Variants in BBS9 observed in about 807,000 individuals in gnomAD.
BBS9 encodes Bardet-Biedl syndrome 9, also known as protein PTHB1.
Under a neutral mutation model 117.7 loss-of-function variants are expected in BBS9, and 89 were observed. The ratio of observed to expected loss-of-function variants is 0.76; its 90% CI spans 0.64 to 0.90. The LOEUF is 0.90. Among genes scored for constraint, BBS9 ranks in the 40% least tolerant of loss-of-function variants. BBS9 has a pLI of 0.00. For missense variants in BBS9, 982 were observed against 1,042.2 expected (o/e 0.94, Z 0.80); for synonymous variants, 379 against 370.9 (o/e 1.02, Z -0.25).
At chr7:33,611,748 T>TTTATATAATA (rs989479661) in intron 21 of BBS9, among the ~76,000 whole-genome samples, 1 of 139,228 alleles carries the variant, frequency 7.2e-6, no homozygotes, top group Non-Finnish European at 1.5e-5. Context: ...TATTTATTCC[T>TTTATATAATA]TTATATAATA....
intron 21 of BBS9, among the ~76,000 whole-genome samples, chr7:33,572,233 G>A (rs1361473095): frequency 6.6e-6 from 1 of 151,948 alleles, no homozygotes; most frequent in African/African-American, 2.4e-5. Context: ...TTCACTTAAC[G>A]TAATGTCCTG....
At chr7:33,143,094 C>T (rs1343787099) in intron 1 of BBS9, among the ~76,000 whole-genome samples, 8 of 152,082 alleles carry the variant, frequency 5.3e-5, no homozygotes, top group African/African-American at 9.6e-5. Context: ...CTTAGCCTCC[C>T]GAGTAGCTGG....
intron 5 of BBS9, among the ~76,000 whole-genome samples, chr7:33,187,354 G>C (rs759396): frequency 0.55 from 83,673 of 152,000 alleles, 23,124 homozygotes; most frequent in East Asian, 0.67. Context: ...TCAGTTACCC[G>C]AAATTTACCT....
chr7:33,552,305 G>A (rs1854561717), intron 21 of BBS9, among the ~76,000 whole-genome samples: 2 of 152,088 alleles, frequency 1.3e-5, no homozygotes, highest in Non-Finnish European at 2.9e-5. Flanking sequence ...ACAGATCTTC[G>A]AGTAGATTTG....
chr7:33,173,258 C>T (rs767712144), intron 4 of BBS9, among the ~76,000 whole-genome samples: 5 of 152,002 alleles, frequency 3.3e-5, no homozygotes, highest in African/African-American at 4.8e-5. Context: ...TTTTTATTTG[C>T]CTTTTATAAA....
chr7:33,373,163 T>G (rs184693931), intron 17 of BBS9, among the ~76,000 whole-genome samples: 1 of 152,236 alleles, frequency 6.6e-6, no homozygotes, highest in Admixed American at 6.5e-5. Flanking sequence ...TCTCTTTCTC[T>G]CTCCCTCTCA....
At chr7:33,484,220 G>C (rs1842819801) in intron 19 of BBS9, among the ~76,000 whole-genome samples, 1 of 152,088 alleles carries the variant, frequency 6.6e-6, no homozygotes, top group South Asian at 2.1e-4. Flanking sequence ...CAGCTCATGA[G>C]TAATCAGGAA....
chr7:33,492,527 A>G (rs1337167342), intron 19 of BBS9, among the ~76,000 whole-genome samples: 1 of 152,154 alleles, frequency 6.6e-6, no homozygotes, highest in Non-Finnish European at 1.5e-5. Flanking sequence ...AGAGTTCATG[A>G]TTACTGAAGT....
chr7:33,495,542 A>G (rs1354001408), intron 19 of BBS9, among the ~76,000 whole-genome samples: 1 of 152,228 alleles, frequency 6.6e-6, no homozygotes, highest in Non-Finnish European at 1.5e-5. Flanking sequence ...ATTGCCAACC[A>G]TAGATTCCAG....
chr7:33,631,048 G>A (rs1275031494), intron 21 of BBS9, among the ~76,000 whole-genome samples: 1 of 152,210 alleles, frequency 6.6e-6, no homozygotes, highest in Non-Finnish European at 1.5e-5. Context: ...GGGTGATACA[G>A]GCCCCTGCAA....
intron 5 of BBS9, among the ~76,000 whole-genome samples, chr7:33,233,156 C>A (rs902664361): frequency 2.0e-5 from 3 of 152,082 alleles, no homozygotes; most frequent in Admixed American, 6.6e-5. Flanking sequence ...AAGGTTAGAT[C>A]TGAATCTTGG....
chr7:33,554,997 G>T (rs775588349), intron 21 of BBS9, among the ~76,000 whole-genome samples: 23 of 152,178 alleles, frequency 1.5e-4, no homozygotes, highest in Non-Finnish European at 5.9e-5. Context: ...GAGGGCAGGG[G>T]TGGGAGCTTA....
In BBS9 at chr7:33,197,387, C is replaced by A. The variant is rs898501180; in HGVS notation, c.442+19796C>A. 3.3e-5 allele frequency among the ~76,000 whole-genome samples: 5 copies of A among 151,432 alleles called. No homozygotes were observed. The East Asian group carries it at 9.7e-4, about 29-fold the overall frequency. On this transcript the variant is annotated intron_variant, in intron 5 of 22. Coordinates refer to ENST00000242067, the MANE Select transcript of BBS9 (RefSeq NM_198428.3). ...GCAATATAAAGGCTTCCAGCAGTTT[C>A]AAAAATGCATCTACACAACACATTG...
chr7:33,335,451 C>G (rs1815136904), intron 9 of BBS9, among the ~76,000 whole-genome samples: 1 of 151,954 alleles, frequency 6.6e-6, no homozygotes. Context: ...ACCTAACAAA[C>G]AAAAGTGAGT....
intron 19 of BBS9, among the ~76,000 whole-genome samples, chr7:33,495,520 A>G (rs1226551465): frequency 6.6e-6 from 1 of 152,218 alleles, no homozygotes; most frequent in African/African-American, 2.4e-5. Flanking sequence ...GGCTTGTAAA[A>G]TGAGCTCTGA....
At chr7:33,224,388 G>C (rs1790844657) in intron 5 of BBS9, among the ~76,000 whole-genome samples, 1 of 152,166 alleles carries the variant, frequency 6.6e-6, no homozygotes, top group African/African-American at 2.4e-5. Context: ...TCTGTCTGTT[G>C]TGTTTATATG....
At chr7:33,296,260 T>A (rs1426972125) in intron 9 of BBS9, among the ~76,000 whole-genome samples, 1 of 152,178 alleles carries the variant, frequency 6.6e-6, no homozygotes, top group East Asian at 1.9e-4. Context: ...TATCTTGGAA[T>A]CAGTTAGTAC....
chr7:33,455,480 C>A (rs958032040), intron 19 of BBS9, among the ~76,000 whole-genome samples: 5 of 152,182 alleles, frequency 3.3e-5, no homozygotes, highest in African/African-American at 4.8e-5. Context: ...AAATTCTTGA[C>A]AAGTTATCCC....
intron 19 of BBS9, among the ~76,000 whole-genome samples, chr7:33,489,389 A>G (rs1843601241): frequency 1.3e-5 from 2 of 150,418 alleles, no homozygotes; most frequent in South Asian, 4.3e-4. Context: ...GTAGAAGGAA[A>G]ACTTGGATAT....
Sources: allele counts gnomAD v4.1 joint callset (sites outside exome capture counted in the v4.1 genomes callset), GRCh38; gene constraint gnomAD v4.1.1; transcripts MANE v1.5; gene names NCBI Gene and HGNC (gene_info 2026-07-23, HGNC 2026-07-21).